UHMK1: variants seen among roughly 807,000 people sequenced by gnomAD.
UHMK1 encodes U2AF homology motif kinase 1.
A neutral mutation model predicts 44.0 loss-of-function variants in UHMK1; 18 were observed. The observed-to-expected ratio is 0.41, with a 90% CI of 0.28 to 0.61. UHMK1 has a LOEUF of 0.61. Ranked by LOEUF, UHMK1 falls within the 20% of genes least tolerant of loss-of-function variation. The pLI is 0.31. For missense variants in UHMK1, 463 were observed against 522.5 expected (o/e 0.89, Z 1.11); for synonymous variants, 231 against 198.5 (o/e 1.16, Z -1.38).
chr1:162,501,172 T>G, intron 3 of UHMK1, 68 bp downstream of exon 3: 3 of 1,006,120 alleles, frequency 3.0e-6, no homozygotes, highest in South Asian at 4.2e-5. Flanking sequence ...TTTATGATGA[T>G]TTTTTTTTTT....
rs1246362277 is a variant in UHMK1 at position 162,527,895 on chromosome 1, C to G, written c.*5345C>G. ...ACTGCTTTGTATAATGGAAATAAGT[C>G]ACATTCTGGGGGAAAAAAACTGGAA... On this transcript the variant is annotated 3_prime_UTR_variant, in exon 8 of 8. Transcript: ENST00000489294. 1 of 151,014 alleles carries G rather than the reference C, an allele frequency of 6.6e-6. No individual in the cohort carries two copies. The highest frequency in any genetic ancestry group is 1.5e-5 in the Non-Finnish European group (1 of 67,822). The allele number at this position is 151,014 out of a possible 1,614,324, so 9.4% of individuals were successfully genotyped here.
chr1:162,510,321 C>T (rs544388945), intron 4 of UHMK1, among the ~76,000 whole-genome samples: 1 of 152,154 alleles, frequency 6.6e-6, no homozygotes, highest in Non-Finnish European at 1.5e-5. Flanking sequence ...TTCTTTCTAT[C>T]TAACTGTAAT....
At chr1:162,504,772 A>G (rs956328569) in intron 4 of UHMK1, among the ~76,000 whole-genome samples, 8 of 152,034 alleles carry the variant, frequency 5.3e-5, no homozygotes, top group Non-Finnish European at 1.2e-4. Flanking sequence ...AATTTATTTT[A>G]AAATTTTTTC....
At chr1:162,500,294 T>C (rs1206732276) in intron 2 of UHMK1, 47 bp downstream of exon 2, 1 of 1,561,220 alleles carries the variant, frequency 6.4e-7, no homozygotes, top group Admixed American at 1.9e-5. Flanking sequence ...AATGTAGTGG[T>C]TGAAGCCAAA....
chr1:162,513,141 A>C, intron 6 of UHMK1: 1 of 303,106 alleles, frequency 3.3e-6, no homozygotes, highest in Non-Finnish European at 6.5e-6. Context: ...GGGTTTCACC[A>C]TATTGGTCAG....
At chr1:162,519,334 A>G (rs1449415336) in intron 7 of UHMK1, among the ~76,000 whole-genome samples, 1 of 150,898 alleles carries the variant, frequency 6.6e-6, no homozygotes, top group Admixed American at 6.6e-5. Flanking sequence ...AAAAAACAGT[A>G]ACACCAACTG....
intron 6 of UHMK1, among the ~76,000 whole-genome samples, chr1:162,513,732 A>G (rs1393753575): frequency 1.3e-5 from 2 of 152,324 alleles, no homozygotes; most frequent in East Asian, 3.9e-4. Flanking sequence ...ATCTTAAGAT[A>G]TTTGTTGGGG....
chr1:162,504,265 G>T (rs1428892990), intron 4 of UHMK1, among the ~76,000 whole-genome samples: 2 of 152,072 alleles, frequency 1.3e-5, no homozygotes, highest in Admixed American at 6.6e-5. Context: ...AACGGTCTGG[G>T]GACAGATACA....
chr1:162,501,136 C>T (rs932903529), intron 3 of UHMK1, 32 bp downstream of exon 3: 1 of 1,595,192 alleles, frequency 6.3e-7, no homozygotes, highest in African/African-American at 1.4e-5. Flanking sequence ...CTTTGGGGTC[C>T]TTACTTTCAA....
chr1:162,499,796 G>A lies in UHMK1; in HGVS notation c.269-159G>A, dbSNP rs187032850. ...TTATTTTTATTAAAATAACCCAATTGCCAAAAGATCTTATTCATGGGAAAA... is the reference window on the plus strand; with the variant it reads ...TTATTTTTATTAAAATAACCCAATTACCAAAAGATCTTATTCATGGGAAAA... On this transcript the variant is annotated intron_variant, in intron 1 of 7. Transcript: ENST00000489294. 3.8e-4 allele frequency among the ~76,000 whole-genome samples: 58 copies of A among 152,112 alleles called. 1 individual carries two copies. In the East Asian group the frequency reaches 4.8e-3, roughly 13 times the overall value.
rs145664795 is a variant in UHMK1 at position 162,512,748 on chromosome 1, A to C, written c.949A>C (p.Met317Leu). 3.1e-6 allele frequency: 5 copies of C among 1,614,014 alleles called. No individual in the cohort carries two copies. In the African/African-American group the frequency reaches 5.3e-5, roughly 17 times the overall value. The change falls in exon 6 of 8, where the codon ATG becomes CTG. Residue 317 changes from methionine to leucine, a missense_variant. Coordinates refer to ENST00000489294, the MANE Select transcript of UHMK1 (RefSeq NM_175866.5). ...PFAPHIEDLV[M>L]LPTPVLRLLN... ...AGCCCCTCATATTGAAGATCTGGTC[A>C]TGCTTCCCACTCCAGTGCTAAGACT...
chr1:162,497,788 T>C, upstream of UHMK1: 1 of 1,322,656 alleles, frequency 7.6e-7, no homozygotes, highest in Non-Finnish European at 9.7e-7. Context: ...TCGGCCTGTA[T>C]GATAGGCTCT....
intron 4 of UHMK1, among the ~76,000 whole-genome samples, chr1:162,507,130 T>C (rs1464823961): frequency 1.3e-5 from 2 of 152,074 alleles, no homozygotes; most frequent in African/African-American, 4.8e-5. Flanking sequence ...CCTTTCTTTT[T>C]TTTTTTTGAG....
chr1:162,497,799 T>C (rs1226889206), upstream of UHMK1: 2 of 1,349,482 alleles, frequency 1.5e-6, no homozygotes, highest in South Asian at 3.8e-5. Flanking sequence ...GATAGGCTCT[T>C]CCTCCATTTC....
chr1:162,500,970 T>G lies in UHMK1; in HGVS notation c.619T>G (p.Cys207Gly). ...GGCTCCAGAAGCAGAATTGCAAAAT[T>G]GCTTGGCCCAGGCTGGCCTGCAGAG... is the stretch of plus-strand genomic sequence containing the variant. The part of the protein sequence containing the change: ...YRAPEAELQN[C>G]LAQAGLQSDT... The change falls in exon 3 of 8, where the codon TGC becomes GGC. Residue 207 changes from cysteine to glycine, a missense_variant. Coordinates refer to ENST00000489294, the MANE Select transcript of UHMK1 (RefSeq NM_175866.5). 6.2e-7 allele frequency: 1 copy of G among 1,614,146 alleles called. No individual in the cohort carries two copies. The highest frequency in any genetic ancestry group is 8.5e-7 in the Non-Finnish European group (1 of 1,180,026).
intron 6 of UHMK1, among the ~76,000 whole-genome samples, chr1:162,517,445 G>T (rs1651870859): frequency 6.6e-6 from 1 of 152,002 alleles, no homozygotes; most frequent in Non-Finnish European, 1.5e-5. Flanking sequence ...AATATTCATA[G>T]AATAAAATAT....
In UHMK1 at chr1:162,512,822, A is replaced by C. The variant is rs1441467168; in HGVS notation, c.1023A>C (p.Glu341Asp). ...ATCTTGAGAATGAAGAGGAATATGA[A>C]GGTTAGTGTTTTCTAAATTATATTT... ...DDYLENEEEY[E>D]DVVEDVKEEC... Residue 341 changes from glutamate (E) to aspartate (D), a missense_variant and splice_region_variant, in exon 6 of 8, where the codon GAA (glutamate) becomes GAC (aspartate). Glu to Asp is a conservative substitution (Grantham distance 45, BLOSUM62 2). Coordinates refer to ENST00000489294, the MANE Select transcript of UHMK1 (RefSeq NM_175866.5). The C allele has an allele frequency of 1.1e-5, 18 of 1,613,484 alleles. No individual in the cohort carries two copies. Among genetic ancestry groups the C allele is most frequent in the Non-Finnish European group, 1.4e-5 (17 of 1,179,580 alleles).
At chr1:162,506,589 A>G (rs955363946) in intron 4 of UHMK1, among the ~76,000 whole-genome samples, 2 of 152,168 alleles carry the variant, frequency 1.3e-5, no homozygotes, top group Non-Finnish European at 2.9e-5. Flanking sequence ...TGAGTGTCCT[A>G]TATATTACTG....
chr1:162,529,133 A>G lies in UHMK1; in HGVS notation c.*6583A>G, dbSNP rs189868261. The G allele has an allele frequency of 6.6e-6, 1 of 152,284 alleles. No individual in the cohort carries two copies. Among genetic ancestry groups the G allele is most frequent in the African/African-American group, 2.4e-5 (1 of 41,590 alleles). 9.4% of individuals were successfully genotyped at this position (152,284 alleles called of 1,614,324 possible). On this transcript the variant is annotated 3_prime_UTR_variant, in exon 8 of 8. Coordinates refer to ENST00000489294, the MANE Select transcript of UHMK1 (RefSeq NM_175866.5). ...ACCTCAGAACTACAAGAATATTACAATACATAGTGAATAGTTGTCTGTAAC... is the reference window on the plus strand; with the variant it reads ...ACCTCAGAACTACAAGAATATTACAGTACATAGTGAATAGTTGTCTGTAAC...
Sources: gnomAD v4.1 joint callset for allele counts (sites outside exome capture counted in the v4.1 genomes callset) on GRCh38, gnomAD v4.1.1 for gene constraint, MANE v1.5 for transcripts, NCBI Gene and HGNC (gene_info 2026-07-23, HGNC 2026-07-21) for gene names.